The following CDK6 variants were observed in gnomAD, a reference collection of about 807,000 sequenced individuals.
CDK6 encodes the protein cyclin-dependent kinase 6.
In CDK6, 6 loss-of-function variants were observed where a neutral mutation model predicts 37.1. The observed-to-expected ratio is 0.16, with a 90% CI of 0.09 to 0.32. The LOEUF is 0.32. CDK6 is among the 10% of genes least tolerant of loss of function. CDK6 has a pLI of 1.00. For missense variants in CDK6, 224 were observed against 418.9 expected, an observed-to-expected ratio of 0.53 and a Z score of 4.06; for synonymous variants, 160 against 161.3, an observed-to-expected ratio of 0.99 and a Z score of 0.06.
At chr7:92,719,552 T>A (rs2116697785) in intron 4 of CDK6, among the ~76,000 whole-genome samples, 1 of 152,298 alleles carries the variant, frequency 6.6e-6, no homozygotes, top group Non-Finnish European at 1.5e-5. Flanking sequence ...AAAGAGAATA[T>A]AATTCACTTA....
intron 3 of CDK6, among the ~76,000 whole-genome samples, chr7:92,773,932 A>G (rs984563160): frequency 6.6e-6 from 1 of 152,236 alleles, no homozygotes. Context: ...CCTAATTCAC[A>G]CAGACAAAAA....
chr7:92,697,920 T>C (rs896167983), intron 4 of CDK6, among the ~76,000 whole-genome samples: 17 of 152,234 alleles, frequency 1.1e-4, no homozygotes, highest in African/African-American at 4.1e-4. Context: ...TCACAAATTT[T>C]CATGTTTTAC....
chr7:92,677,112 AAT>A (rs1797222991), intron 4 of CDK6, among the ~76,000 whole-genome samples: 2 of 152,184 alleles, frequency 1.3e-5, no homozygotes, highest in African/African-American at 2.4e-5. Context: ...AGTCTGTGTA[AAT>A]CATTGTAACC....
At chr7:92,722,957 G>A (rs2116703718) in intron 4 of CDK6, among the ~76,000 whole-genome samples, 1 of 152,294 alleles carries the variant, frequency 6.6e-6, no homozygotes, top group Middle Eastern at 3.4e-3. Flanking sequence ...GGCTGAGGAG[G>A]ACGGATTACT....
chr7:92,643,076 A>G (rs1347938758), intron 5 of CDK6, among the ~76,000 whole-genome samples: 4 of 152,106 alleles, frequency 2.6e-5, no homozygotes, highest in Admixed American at 1.3e-4. Flanking sequence ...TTGTAGAGAC[A>G]GGGTTTGGCC....
intron 2 of CDK6, among the ~76,000 whole-genome samples, chr7:92,781,739 T>G (rs1279190490): frequency 6.6e-6 from 1 of 152,208 alleles, no homozygotes; most frequent in Non-Finnish European, 1.5e-5. Context: ...AGCTGAGAGA[T>G]GTCTGGCACA....
At chr7:92,806,090 T>C (rs1035235257) in intron 2 of CDK6, among the ~76,000 whole-genome samples, 2 of 152,198 alleles carry the variant, frequency 1.3e-5, no homozygotes, top group African/African-American at 4.8e-5. Flanking sequence ...GTTATGTTTA[T>C]TGACCACATA....
At position 92,615,109 on chromosome 7, in the gene CDK6, G is replaced by A. The variant is rs376588254; in HGVS notation, c.*31C>T. 8.1e-6 allele frequency: 13 copies of A among 1,611,708 alleles called. No homozygotes were observed. The African/African-American group carries it at 9.4e-5, about 12-fold the overall frequency. On this transcript the variant is annotated 3_prime_UTR_variant, in exon 8 of 8. Transcript: ENST00000424848. ...CCATAAGCCACCAAGGGTGTTCTCC[G>A]CAGGATCAGCTTAAGGCGGCTGCTG...
chr7:92,640,495 T>A (rs1796278968), intron 5 of CDK6, among the ~76,000 whole-genome samples: 1 of 152,206 alleles, frequency 6.6e-6, no homozygotes. Context: ...GCTTCCCGTA[T>A]CAACAAAAAC....
At position 92,627,942 on chromosome 7, in the gene CDK6, C is replaced by A. The variant is rs76147124; in HGVS notation, c.648-4856G>T. On this transcript the variant is annotated intron_variant, in intron 5 of 7. Coordinates refer to ENST00000424848, the MANE Select transcript of CDK6 (RefSeq NM_001145306.2). ...ACACAAAAATAAATTAAAAAAAAAA[C>A]TGCTAGGAAAACTGTTAGGTCTACA... 5.9e-3 allele frequency among the ~76,000 whole-genome samples: 897 copies of A among 151,238 alleles called. 5 individuals carry two copies. Among genetic ancestry groups the A allele is most frequent in the Middle Eastern group, 0.034 (10 of 294 alleles).
chr7:92,725,323 C>T lies in CDK6; in HGVS notation c.537+303G>A, dbSNP rs149626263. On this transcript the variant is annotated intron_variant, in intron 4 of 7. Transcript: ENST00000424848. Reference sequence around the variant, plus strand: ...TGTTCCCTAGGCATTGTACATACAGCTCTGAAAACAGTGGTTATGGCAGAA... The same window carrying T: ...TGTTCCCTAGGCATTGTACATACAGTTCTGAAAACAGTGGTTATGGCAGAA... 2.7e-5 allele frequency: 27 copies of T among 985,400 alleles called. 1 individual carries two copies. The East Asian group carries it at 2.9e-3, about 108-fold the overall frequency. 61.0% of individuals were successfully genotyped at this position (985,400 alleles called of 1,614,324 possible).
intron 5 of CDK6, among the ~76,000 whole-genome samples, chr7:92,655,810 C>G (rs1011429430): frequency 2.0e-5 from 3 of 152,240 alleles, no homozygotes; most frequent in African/African-American, 7.2e-5. Flanking sequence ...CAAGTAAGTA[C>G]AATCCATATG....
rs1027253600 is a variant in CDK6, at chr7:92,605,294, C to T, written c.*9846G>A. On this transcript the variant is annotated 3_prime_UTR_variant, in exon 8 of 8. Transcript: ENST00000424848. Reference sequence around the variant, plus strand: ...TCCAAAGGATTATTGGTATGCAACCCTCTGAATTTTCTGACATGTTACCTT... The same window carrying T: ...TCCAAAGGATTATTGGTATGCAACCTTCTGAATTTTCTGACATGTTACCTT... 1.7e-5 allele frequency: 4 copies of T among 233,324 alleles called. No individual in the cohort carries two copies. Among genetic ancestry groups the T allele is most frequent in the African/African-American group, 4.4e-5 (2 of 45,328 alleles). 14.5% of individuals were successfully genotyped at this position (233,324 alleles called of 1,614,324 possible).
chr7:92,820,791 A>C (rs1444482799), intron 2 of CDK6, among the ~76,000 whole-genome samples: 1 of 152,112 alleles, frequency 6.6e-6, no homozygotes, highest in African/African-American at 2.4e-5. Flanking sequence ...GCAACAGCAT[A>C]TTATCTAAAT....
chr7:92,827,618 T>C (rs1388937487), intron 2 of CDK6, among the ~76,000 whole-genome samples: 2 of 152,304 alleles, frequency 1.3e-5, no homozygotes, highest in Non-Finnish European at 2.9e-5. Flanking sequence ...AAACCTAGCA[T>C]CTATGGATCA....
At chr7:92,773,549 A>C (rs762349817) in intron 3 of CDK6, among the ~76,000 whole-genome samples, 7 of 152,176 alleles carry the variant, frequency 4.6e-5, no homozygotes, top group Admixed American at 3.3e-4. Context: ...ATGCCAGAGG[A>C]AAGAGGGGTG....
chr7:92,673,586 C>T (rs757917394), intron 4 of CDK6, among the ~76,000 whole-genome samples: 1 of 152,196 alleles, frequency 6.6e-6, no homozygotes, highest in Non-Finnish European at 1.5e-5. Flanking sequence ...GCATCACCTC[C>T]CATAGAACTT....
chr7:92,654,495 G>A (rs1478719914), intron 5 of CDK6, among the ~76,000 whole-genome samples: 1 of 152,088 alleles, frequency 6.6e-6, no homozygotes, highest in Admixed American at 6.5e-5. Flanking sequence ...TGGTCTCTGA[G>A]TAGCTTAGAT....
At chr7:92,655,794 A>C (rs1402436255) in intron 5 of CDK6, among the ~76,000 whole-genome samples, 1 of 152,246 alleles carries the variant, frequency 6.6e-6, no homozygotes, top group Non-Finnish European at 1.5e-5. Context: ...GCAATGTTTC[A>C]ATTAGCAAGT....
Sources: allele counts gnomAD v4.1 joint callset (sites outside exome capture counted in the v4.1 genomes callset), GRCh38; gene constraint gnomAD v4.1.1; transcripts MANE v1.5; gene names NCBI Gene and HGNC (gene_info 2026-07-23, HGNC 2026-07-21).